NHLH1: variants seen among roughly 807,000 people sequenced by gnomAD.
The protein encoded by NHLH1 is nescient helix-loop-helix 1.
Under a neutral mutation model 6.7 loss-of-function variants are expected in NHLH1, and 3 were observed. The observed-to-expected ratio is 0.44, with a 90% CI of 0.20 to 1.15. NHLH1 has a LOEUF of 1.15. NHLH1 is among the 50% of genes most tolerant of loss of function. The pLI is 0.26. For missense variants in NHLH1, 177 were observed against 189.5 expected, an observed-to-expected ratio of 0.93 and a Z score of 0.39; for synonymous variants, 92 against 84.2, an observed-to-expected ratio of 1.09 and a Z score of -0.51.
chr1:160,370,589 G>A lies in NHLH1; in HGVS notation c.-143G>A. ...ACTGGCACCCTGACCATGGAACCCT[G>A]AAGTGGCAGTGACTTCTAGAGCTCA... On this transcript the variant is annotated 5_prime_UTR_variant, in exon 2 of 2. It removes the in-frame stop codon of an upstream open reading frame in the 5' UTR. Coordinates refer to ENST00000302101, the MANE Select transcript of NHLH1 (RefSeq NM_005598.4). 1 of 713,392 alleles carries A rather than the reference G, an allele frequency of 1.4e-6. No homozygotes were observed. The highest frequency in any genetic ancestry group is 2.8e-5 in the East Asian group (1 of 35,756). The allele number at this position is 713,392 out of a possible 1,614,324, so 44.2% of individuals were successfully genotyped here.
intron 1 of NHLH1, among the ~76,000 whole-genome samples, chr1:160,370,085 GTTGA>G (rs1357421276): frequency 6.6e-6 from 1 of 152,076 alleles, no homozygotes; most frequent in Admixed American, 6.5e-5. Flanking sequence ...TTTTCACTCT[GTTGA>G]TTATGTTCGT....
rs933747537 is a variant in NHLH1 at position 160,367,227 on chromosome 1, G to A, written c.-286G>A. On this transcript the variant is annotated 5_prime_UTR_variant, in exon 1 of 2. Transcript: ENST00000302101. ...CACGCTACCCCTGAGAGTCTAGAAA[G>A]CTGGTCACTAACTTTGCAGACGGAT... The A allele has an allele frequency of 1.3e-5, 2 of 152,532 alleles. No homozygotes were observed. The highest frequency in any genetic ancestry group is 2.9e-5 in the Non-Finnish European group (2 of 68,314). 9.4% of individuals were successfully genotyped at this position (152,532 alleles called of 1,614,324 possible).
rs1449471017 is a variant in NHLH1, at chr1:160,371,006, A to G, written c.275A>G (p.Asn92Ser). The G allele has an allele frequency of 6.2e-7, 1 of 1,613,900 alleles. No individual in the cohort carries two copies. Among genetic ancestry groups the G allele is most frequent in the Admixed American group, 1.7e-5 (1 of 59,994 alleles). ...TRERIRVEAF[N>S]LAFAELRKLL... ...GAACGCATCCGCGTGGAAGCCTTCA[A>G]CCTGGCCTTCGCCGAGCTGCGCAAG... is the stretch of plus-strand genomic sequence containing the variant. The change falls in exon 2 of 2, where the codon AAC (asparagine) becomes AGC (serine). Residue 92 changes from asparagine (N) to serine (S), a missense_variant. Coordinates refer to ENST00000302101, the MANE Select transcript of NHLH1 (RefSeq NM_005598.4).
At chr1:160,369,820 A>T (rs543832657) in intron 1 of NHLH1, among the ~76,000 whole-genome samples, 1 of 152,124 alleles carries the variant, frequency 6.6e-6, no homozygotes, top group Admixed American at 6.5e-5. Flanking sequence ...TACAAGTGCA[A>T]TTTTGTTACA....
In NHLH1 at chr1:160,369,961, G is replaced by A. The variant is rs537998076; in HGVS notation, c.-175-596G>A. ...CCCTCCTTTGCCCATTTTTAAATTG[G>A]GTTATTTGATTTTTTGCTGTTGTTG... On this transcript the variant is annotated intron_variant, in intron 1 of 1. Coordinates refer to ENST00000302101, the MANE Select transcript of NHLH1 (RefSeq NM_005598.4). Among the ~76,000 whole-genome samples the A allele has an allele frequency of 5.3e-5, 8 of 151,840 alleles. No individual in the cohort carries two copies. The South Asian group carries it at 1.7e-3, about 32-fold the overall frequency.
In NHLH1 at chr1:160,371,796, A is replaced by C. The variant is rs1372587173; in HGVS notation, c.*663A>C. On this transcript the variant is annotated 3_prime_UTR_variant, in exon 2 of 2. Transcript: ENST00000302101. Reference sequence around the variant, plus strand: ...ATACAGACCTCAGATCTTACTTGGTAGTGAGTGCCTTGCCCTCTTTGAGCT... The same window carrying C: ...ATACAGACCTCAGATCTTACTTGGTCGTGAGTGCCTTGCCCTCTTTGAGCT... 6.0e-6 allele frequency: 1 copy of C among 167,078 alleles called. No individual in the cohort carries two copies. The highest frequency in any genetic ancestry group is 2.4e-5 in the African/African-American group (1 of 41,390). The allele number at this position is 167,078 out of a possible 1,614,324, so 10.3% of individuals were successfully genotyped here. A position where few individuals can be genotyped will look rare whatever the true frequency, so the allele number is the denominator to read the frequency against.
In NHLH1 at chr1:160,372,225, T is replaced by G. The variant is rs7521304; in HGVS notation, c.*1092T>G. 104,171 of 166,896 alleles carry G rather than the reference T, an allele frequency of 0.62. 33,683 individuals carry two copies. The highest frequency in any genetic ancestry group is 0.81 in the African/African-American group (33,764 of 41,498). 10.3% of individuals were successfully genotyped at this position (166,896 alleles called of 1,614,324 possible). On this transcript the variant is annotated 3_prime_UTR_variant, in exon 2 of 2. Transcript: ENST00000302101. Reference sequence around the variant, plus strand: ...CTGATCCCCACCTGCGCACTATAGCTCAGGGTCAGCAGTGGAATGAAGGGC... The same window carrying G: ...CTGATCCCCACCTGCGCACTATAGCGCAGGGTCAGCAGTGGAATGAAGGGC...
chr1:160,370,966 GCCCACGCC>G lies in NHLH1; in HGVS notation c.236_243del (p.Ala79AspfsTer34). 3 of 1,612,680 alleles carry G rather than the reference GCCCACGCC, an allele frequency of 1.9e-6. No homozygotes were observed. The highest frequency in any genetic ancestry group is 2.5e-6 in the Non-Finnish European group (3 of 1,179,276). ...CCGCGCCACAGCCAAGTACCGCACG[GCCCACGCC>G]ACGCGAGAACGCATCCGCGTGGAAG... On this transcript the variant is annotated frameshift_variant, in exon 2 of 2. Coordinates refer to ENST00000302101, the MANE Select transcript of NHLH1 (RefSeq NM_005598.4). LOFTEE classifies it high-confidence loss of function.
rs772267475 is a variant in NHLH1 at position 160,370,811 on chromosome 1, G to C, written c.80G>C (p.Gly27Ala). 5 of 1,611,224 alleles carry C rather than the reference G, an allele frequency of 3.1e-6. No homozygotes were observed. The highest frequency in any genetic ancestry group is 4.2e-6 in the Non-Finnish European group (5 of 1,179,438). The change falls in exon 2 of 2, where the codon GGG becomes GCG. Residue 27 changes from glycine (G) to alanine (A), a missense_variant. Physicochemically the swap from Gly to Ala is moderately conservative, Grantham distance 60 (BLOSUM62 0). Transcript: ENST00000302101. ...ACTGAGTCGGGCTTCAGTGACTGTG[G>C]GGGCGGGGCGGGCCCTGATGGTGCC... ...SETESGFSDC[G>A]GGAGPDGAGP...
In NHLH1 at chr1:160,370,956, G is replaced by C; in HGVS notation, c.225G>C (p.Lys75Asn). ...GGCGCCGGCGCCGCGCCACAGCCAA[G>C]TACCGCACGGCCCACGCCACGCGAG... ...ERRRRRRATA[K>N]YRTAHATRER... The change falls in exon 2 of 2, where the codon AAG (lysine) becomes AAC (asparagine). Residue 75 changes from lysine to asparagine, a missense_variant. Lys to Asn is a moderately conservative substitution (Grantham distance 94). Coordinates refer to ENST00000302101, the MANE Select transcript of NHLH1 (RefSeq NM_005598.4). 1 of 1,612,130 alleles carries C rather than the reference G, an allele frequency of 6.2e-7. No homozygotes were observed. Among genetic ancestry groups the C allele is most frequent in the South Asian group, 1.1e-5 (1 of 90,964 alleles).
At chr1:160,368,472 T>C (rs1490112658) in intron 1 of NHLH1, among the ~76,000 whole-genome samples, 1 of 151,730 alleles carries the variant, frequency 6.6e-6, no homozygotes, top group African/African-American at 2.4e-5. Context: ...AGTATGGGGG[T>C]AGAAGGTTGA....
At chr1:160,367,549 C>T (rs11265376) in intron 1 of NHLH1, among the ~76,000 whole-genome samples, 23,372 of 152,046 alleles carry the variant, frequency 0.15, 1,905 homozygotes, top group South Asian at 0.32. Flanking sequence ...GTGGGAAGTC[C>T]TGTCCTGCAG....
chr1:160,371,092 ATC>A lies in NHLH1; in HGVS notation c.363_364del (p.Ile121MetfsTer34). On this transcript the variant is annotated frameshift_variant, in exon 2 of 2. Transcript: ENST00000302101. LOFTEE classifies it high-confidence loss of function. ...LSKIEILRLA[I>X]CYISYLNHVL... ...CAAGATTGAGATTCTGCGCCTGGCCATCTGCTATATCTCCTACCTGAACCACG... is the reference window on the plus strand; with the variant it reads ...CAAGATTGAGATTCTGCGCCTGGCCATGCTATATCTCCTACCTGAACCACG... 1 of 1,613,574 alleles carries A rather than the reference ATC, an allele frequency of 6.2e-7. No homozygotes were observed. Among genetic ancestry groups the A allele is most frequent in the Non-Finnish European group, 8.5e-7 (1 of 1,179,766 alleles).
At position 160,370,654 on chromosome 1, in the gene NHLH1, T is replaced by TC; in HGVS notation, c.-75dup. 6.8e-7 allele frequency: 1 copy of TC among 1,469,220 alleles called. No homozygotes were observed. Among genetic ancestry groups the TC allele is most frequent in the Admixed American group, 2.0e-5 (1 of 50,772 alleles). 91.0% of individuals were successfully genotyped at this position (1,469,220 alleles called of 1,614,324 possible). ...GACCCTTCCTCCCCCTTCCTCCCCC[T>TC]CCCACCACCAGCTTTCAAGCTCCCA... On this transcript the variant is annotated 5_prime_UTR_variant, in exon 2 of 2. Transcript: ENST00000302101.
rs1258630668 is a variant in NHLH1 at position 160,370,837 on chromosome 1, G to T, written c.106G>T (p.Gly36Trp). ...GGGCGGGGCGGGCCCTGATGGTGCC[G>T]GGCCTGGGGGTCCGGGAGGGGGCCA... ...CGGGAGPDGA[G>W]PGGPGGGQAR... Residue 36 changes from glycine (G) to tryptophan (W), a missense_variant, in exon 2 of 2, where the codon GGG becomes TGG. Transcript: ENST00000302101. 3 of 1,607,602 alleles carry T rather than the reference G, an allele frequency of 1.9e-6. No homozygotes were observed. Among genetic ancestry groups the T allele is most frequent in the South Asian group, 2.2e-5 (2 of 90,558 alleles).
chr1:160,368,342 T>C (rs1384811471), intron 1 of NHLH1, among the ~76,000 whole-genome samples: 3 of 152,212 alleles, frequency 2.0e-5, no homozygotes, highest in Non-Finnish European at 4.4e-5. Context: ...TGTGCTGCCT[T>C]GCCCTGATCT....
At position 160,370,606 on chromosome 1, in the gene NHLH1, T is replaced by C. The variant is rs543833274; in HGVS notation, c.-126T>C. ...GGAACCCTGAAGTGGCAGTGACTTC[T>C]AGAGCTCAGTGGCAGACCCCACGAC... On this transcript the variant is annotated 5_prime_UTR_variant, in exon 2 of 2. Coordinates refer to ENST00000302101, the MANE Select transcript of NHLH1 (RefSeq NM_005598.4). 23 of 860,992 alleles carry C rather than the reference T, an allele frequency of 2.7e-5. No homozygotes were observed. In the East Asian group the frequency reaches 6.2e-4, roughly 23 times the overall value. The allele number at this position is 860,992 out of a possible 1,614,324, so 53.3% of individuals were successfully genotyped here.
chr1:160,367,504 C>G (rs141261870), intron 1 of NHLH1, among the ~76,000 whole-genome samples, 167 bp downstream of exon 1: 6 of 152,286 alleles, frequency 3.9e-5, no homozygotes, highest in Non-Finnish European at 5.9e-5. Flanking sequence ...TTGTGCCTAT[C>G]TATCCTCAGT....
intron 1 of NHLH1, 148 bp from the exon 2 acceptor site, chr1:160,370,408 AC>A (rs1411962679): frequency 5.6e-5 from 4 of 70,920 alleles, no homozygotes; most frequent in East Asian, 4.9e-4. Context: ...GCCTCTCCCC[AC>A]CCCCCGACCC....
Sources: allele counts gnomAD v4.1 joint callset (sites outside exome capture counted in the v4.1 genomes callset), GRCh38; gene constraint gnomAD v4.1.1; transcripts MANE v1.5; gene names NCBI Gene and HGNC (gene_info 2026-07-23, HGNC 2026-07-21).